Variants in MSRA observed in about 807,000 individuals in gnomAD.
MSRA encodes the protein mitochondrial peptide methionine sulfoxide reductase.
MSRA carries 54 observed loss-of-function variants against 31.3 expected under a neutral mutation model. The ratio of observed to expected loss-of-function variants is 1.73; its 90% confidence interval spans 1.39 to 2.17. The LOEUF (loss-of-function observed/expected upper bound fraction) is 2.17. MSRA is among the 30% of genes most tolerant of loss of function. The probability of loss-of-function intolerance (pLI) is 0.00; values close to 1 mark genes in which losing one functional copy is unlikely to be tolerated. For missense variants in MSRA, 507 were observed against 300.9 expected (o/e 1.69, Z -5.07); for synonymous variants, 169 against 116.5 (o/e 1.45, Z -2.90).
At chr8:10,395,743 C>T (rs1585674579) in intron 5 of MSRA, among the ~76,000 whole-genome samples, 1 of 152,330 alleles carries the variant, frequency 6.6e-6, no homozygotes, top group South Asian at 2.1e-4. Flanking sequence ...CAGCACCAGA[C>T]ACTGGGAAAC....
chr8:10,116,604 C>T (rs540887595), intron 1 of MSRA, among the ~76,000 whole-genome samples: 6 of 152,140 alleles, frequency 3.9e-5, no homozygotes, highest in Non-Finnish European at 5.9e-5. Flanking sequence ...TACATGCCAT[C>T]GATAGACACC....
At chr8:10,244,215 C>A (rs2975717) in intron 2 of MSRA, among the ~76,000 whole-genome samples, 1 of 152,116 alleles carries the variant, frequency 6.6e-6, no homozygotes, top group Non-Finnish European at 1.5e-5. Context: ...AGGCAGTAAT[C>A]TTTTTTACAT....
intron 5 of MSRA, among the ~76,000 whole-genome samples, chr8:10,396,574 G>A (rs1232305221): frequency 6.6e-6 from 1 of 152,172 alleles, no homozygotes; most frequent in Non-Finnish European, 1.5e-5. Context: ...GTTTTAGATT[G>A]CCTTAAAATG....
At chr8:10,181,211 C>T (rs1343669320) in intron 1 of MSRA, among the ~76,000 whole-genome samples, 1 of 152,028 alleles carries the variant, frequency 6.6e-6, no homozygotes. Context: ...AAACTTAAAG[C>T]AGAAGGCCTG....
chr8:10,388,070 C>G (rs1389928488), intron 5 of MSRA, among the ~76,000 whole-genome samples: 1 of 152,146 alleles, frequency 6.6e-6, no homozygotes, highest in Non-Finnish European at 1.5e-5. Flanking sequence ...AGACAATTAA[C>G]AAAGTAAATT....
At chr8:10,215,586 T>G (rs920475842) in intron 2 of MSRA, among the ~76,000 whole-genome samples, 6 of 152,148 alleles carry the variant, frequency 3.9e-5, no homozygotes, top group Admixed American at 1.3e-4. Context: ...CTCAGGGATT[T>G]TGAAGGATAA....
chr8:10,099,143 C>T (rs1563437040), intron 1 of MSRA, among the ~76,000 whole-genome samples: 1 of 152,172 alleles, frequency 6.6e-6, no homozygotes, highest in East Asian at 1.9e-4. Context: ...AACTCAGTGG[C>T]CTAAGTTTAT....
At chr8:10,115,038 A>T (rs1006964170) in intron 1 of MSRA, among the ~76,000 whole-genome samples, 2 of 152,236 alleles carry the variant, frequency 1.3e-5, no homozygotes, top group Non-Finnish European at 2.9e-5. Context: ...GAATGGAATA[A>T]ACCAGTGGAT....
At chr8:10,263,621 G>A (rs1243692955) in intron 3 of MSRA, among the ~76,000 whole-genome samples, 3 of 152,144 alleles carry the variant, frequency 2.0e-5, no homozygotes, top group South Asian at 2.1e-4. Context: ...TGCCACCGAT[G>A]TGAAACTGGC....
chr8:10,126,831 T>A lies in MSRA; in HGVS notation c.142+72173T>A, dbSNP rs141265913. Among the ~76,000 whole-genome samples the A allele has an allele frequency of 4.3e-3, 652 of 152,248 alleles. 5 individuals carry two copies. Among genetic ancestry groups the A allele is most frequent in the Middle Eastern group, 0.02 (6 of 294 alleles). On this transcript the variant is annotated intron_variant, in intron 1 of 5. Transcript: ENST00000317173. The stretch of plus-strand genomic sequence containing the variant: ...GTCCAGCCTAGATTTTCATAAGGAG[T>A]GCACACGTGCTTAGATATCTTGCAC...
At chr8:10,399,245 G>T (rs1007301193) in intron 5 of MSRA, among the ~76,000 whole-genome samples, 14 of 152,230 alleles carry the variant, frequency 9.2e-5, no homozygotes, top group Admixed American at 9.2e-4. Flanking sequence ...TCTAGGGGGA[G>T]AAATGGACAA....
rs547106669 is a variant in MSRA, at chr8:10,379,116, C to G, written c.544-49032C>G. On this transcript the variant is annotated intron_variant, in intron 5 of 5. Coordinates refer to ENST00000317173, the MANE Select transcript of MSRA (RefSeq NM_012331.5). ...GTCATTTTCATTGACTGCAGAACAC[C>G]TCCCTAATGTACTGGCTTTATGGCC... Among the ~76,000 whole-genome samples the G allele has an allele frequency of 1.3e-3, 193 of 152,282 alleles. 1 individual carries two copies. Among genetic ancestry groups the G allele is most frequent in the Non-Finnish European group, 2.2e-3 (147 of 68,026 alleles).
At chr8:10,389,059 CCTA>C (rs1806572027) in intron 5 of MSRA, among the ~76,000 whole-genome samples, 1 of 152,082 alleles carries the variant, frequency 6.6e-6, no homozygotes, top group Non-Finnish European at 1.5e-5. Flanking sequence ...TTATTTATAT[CCTA>C]CTGCTCAAGG....
intron 3 of MSRA, among the ~76,000 whole-genome samples, chr8:10,298,634 T>TC (rs35232954): frequency 0.49 from 74,139 of 151,952 alleles, 18,733 homozygotes; most frequent in East Asian, 0.66. Context: ...AGGAAAAAAA[T>TC]CATGAGCATT....
chr8:10,159,100 G>A (rs1804418416), intron 1 of MSRA, among the ~76,000 whole-genome samples: 3 of 152,226 alleles, frequency 2.0e-5, no homozygotes, highest in South Asian at 2.1e-4. Context: ...ATGATGGATG[G>A]CAGCAGACAG....
chr8:10,361,816 T>A (rs766214529), intron 5 of MSRA, among the ~76,000 whole-genome samples: 10 of 152,228 alleles, frequency 6.6e-5, no homozygotes, highest in Non-Finnish European at 1.3e-4. Context: ...AATGTCTTCC[T>A]AACTTATTTG....
chr8:10,223,920 G>T (rs536233003), intron 2 of MSRA, among the ~76,000 whole-genome samples: 1 of 152,204 alleles, frequency 6.6e-6, no homozygotes, highest in East Asian at 1.9e-4. Flanking sequence ...TTTGGTGACA[G>T]TGTGTTCAGA....
In MSRA at chr8:10,267,661, C is replaced by G. The variant is rs113334109; in HGVS notation, c.331+22438C>G. Among the ~76,000 whole-genome samples, 32 of 152,024 alleles carry G rather than the reference C, an allele frequency of 2.1e-4. 1 individual carries two copies. The highest frequency in any genetic ancestry group is 7.5e-4 in the African/African-American group (31 of 41,464). Reference sequence around the variant, plus strand: ...AGGAGAGAGATACAGGAAGGAGCACCGGAGTTGGAGTCTGACAGTCCCCCA... The same window carrying G: ...AGGAGAGAGATACAGGAAGGAGCACGGGAGTTGGAGTCTGACAGTCCCCCA... On this transcript the variant is annotated intron_variant, in intron 3 of 5. Transcript: ENST00000317173.
intron 2 of MSRA, 77 bp from the exon 3 acceptor site, chr8:10,245,027 C>T: frequency 7.6e-7 from 1 of 1,314,416 alleles, no homozygotes. Context: ...CTTCATGTAA[C>T]AGGTGTATGT....
Sources: allele counts gnomAD v4.1 joint callset (sites outside exome capture counted in the v4.1 genomes callset), GRCh38; gene constraint gnomAD v4.1.1; transcripts MANE v1.5; gene names NCBI Gene and HGNC (gene_info 2026-07-23, HGNC 2026-07-21).